Variants in ABI3BP observed in about 807,000 individuals in gnomAD.
The protein encoded by ABI3BP is target of Nesh-SH3.
Under a neutral mutation model 268.6 loss-of-function variants are expected in ABI3BP, and 216 were observed. The ratio of observed to expected loss-of-function variants is 0.80; its 90% CI spans 0.72 to 0.90. The LOEUF (loss-of-function observed/expected upper bound fraction) is 0.90, where lower values mean the gene tolerates loss of function less well. ABI3BP is among the 40% of genes least tolerant of loss of function. The pLI is 0.00. For missense variants in ABI3BP, 2,090 were observed against 2,182.4 expected, an observed-to-expected ratio of 0.96 and a Z score of 0.84; for synonymous variants, 730 against 730.0, an observed-to-expected ratio of 1.00 and a Z score of 0.00.
chr3:100,948,938 AAG>A (rs2073739817), intron 1 of ABI3BP, among the ~76,000 whole-genome samples: 2 of 152,196 alleles, frequency 1.3e-5, no homozygotes, highest in Non-Finnish European at 2.9e-5. Context: ...AGAGTTGGAA[AAG>A]AGAATATTTT....
chr3:100,904,256 G>T (rs530002647), intron 2 of ABI3BP, among the ~76,000 whole-genome samples: 2 of 152,272 alleles, frequency 1.3e-5, no homozygotes, highest in Non-Finnish European at 2.9e-5. Flanking sequence ...GTCACATGGG[G>T]CCCCATGCTT....
intron 63 of ABI3BP, among the ~76,000 whole-genome samples, chr3:100,760,685 G>C (rs1016011313): frequency 6.6e-6 from 1 of 152,134 alleles, no homozygotes; most frequent in Admixed American, 6.5e-5. Context: ...ATAAGCAGTG[G>C]TGTAAGACTT....
At chr3:100,960,262 A>C (rs776136047) in intron 1 of ABI3BP, among the ~76,000 whole-genome samples, 3 of 152,226 alleles carry the variant, frequency 2.0e-5, no homozygotes, top group Non-Finnish European at 4.4e-5. Flanking sequence ...GGCATTCAAG[A>C]GGGGTAGTAT....
intron 1 of ABI3BP, among the ~76,000 whole-genome samples, chr3:100,938,323 A>C (rs1243552580): frequency 2.6e-5 from 4 of 151,962 alleles, no homozygotes; most frequent in Non-Finnish European, 5.9e-5. Context: ...ACAAGCAAAC[A>C]TAGGGATTGG....
At chr3:100,922,565 C>CGATGGCGATGGTGATGGTGATGGT (rs2060604216) in intron 2 of ABI3BP, among the ~76,000 whole-genome samples, 1 of 97,626 alleles carries the variant, frequency 1.0e-5, no homozygotes, top group Non-Finnish European at 2.7e-5. Flanking sequence ...ATGGCGATGG[C>CGATGGCGATGGTGATGGTGATGGT]GATGGCGATG....
intron 4 of ABI3BP, among the ~76,000 whole-genome samples, chr3:100,894,721 C>T (rs1309548020): frequency 6.6e-5 from 10 of 151,754 alleles, no homozygotes; most frequent in East Asian, 3.9e-4. Flanking sequence ...GGGCAGATCA[C>T]GAGGTCAGGA....
chr3:100,903,471 A>G lies in ABI3BP; in HGVS notation c.260-785T>C, dbSNP rs532345131. ...ATATATTTTGGGCATATGAAATAGC[A>G]TTTTATAAGCAACTCTACTGGATTA... On this transcript the variant is annotated intron_variant, in intron 2 of 67. Transcript: ENST00000471714. Among the ~76,000 whole-genome samples, 14 of 152,346 alleles carry G rather than the reference A, an allele frequency of 9.2e-5. No individual in the cohort carries two copies. The South Asian group carries it at 1.7e-3, about 18-fold the overall frequency.
intron 2 of ABI3BP, among the ~76,000 whole-genome samples, chr3:100,922,723 T>A (rs919933394): frequency 6.6e-6 from 1 of 152,156 alleles, no homozygotes; most frequent in African/African-American, 2.4e-5. Context: ...CAGAAAGGAA[T>A]GCAGCCCTGC....
At chr3:100,978,270 GT>G (rs1462071253) in intron 1 of ABI3BP, among the ~76,000 whole-genome samples, 1 of 152,184 alleles carries the variant, frequency 6.6e-6, no homozygotes, top group African/African-American at 2.4e-5. Context: ...AGCACTCTGT[GT>G]AAGACAAAAT....
At chr3:100,785,291 T>A (rs1161029396) in intron 57 of ABI3BP, among the ~76,000 whole-genome samples, 2 of 152,020 alleles carry the variant, frequency 1.3e-5, no homozygotes, top group Non-Finnish European at 2.9e-5. Flanking sequence ...AGGCTGAAAG[T>A]GTGGATGAGA....
chr3:100,837,266 C>T, intron 26 of ABI3BP, 95 bp from the exon 27 acceptor site: 1 of 885,968 alleles, frequency 1.1e-6, no homozygotes, highest in African/African-American at 1.7e-5. Flanking sequence ...GACACAGAGT[C>T]TAGTTTATTC....
intron 2 of ABI3BP, among the ~76,000 whole-genome samples, chr3:100,906,133 T>G (rs945165638): frequency 3.3e-5 from 5 of 152,224 alleles, no homozygotes; most frequent in African/African-American, 1.2e-4. Context: ...TTTTAGATTC[T>G]TCCTTCATAT....
In ABI3BP at chr3:100,839,563, A is replaced by T; in HGVS notation, c.1945+6T>A. 1 of 1,535,840 alleles carries T rather than the reference A, an allele frequency of 6.5e-7. No homozygotes were observed. Among genetic ancestry groups the T allele is most frequent in the Non-Finnish European group, 8.7e-7 (1 of 1,146,674 alleles). The stretch of plus-strand genomic sequence containing the variant: ...AAAGCAGCCGTGGTGGAGGGAGTAG[A>T]ATTACCAGTTGTGGGCACCAAGGGC... On this transcript the variant is annotated splice_donor_region_variant and intron_variant, in intron 24 of 67. Coordinates refer to ENST00000471714, the MANE Select transcript of ABI3BP (RefSeq NM_001375547.2).
At chr3:100,988,155 C>G (rs368560078) in intron 1 of ABI3BP, among the ~76,000 whole-genome samples, 25 of 152,270 alleles carry the variant, frequency 1.6e-4, no homozygotes, top group African/African-American at 6.0e-4. Context: ...TGCAGCCTCC[C>G]ATAAGCATCA....
At chr3:100,851,234 C>T (rs376368180) in intron 15 of ABI3BP, among the ~76,000 whole-genome samples, 7 of 152,158 alleles carry the variant, frequency 4.6e-5, no homozygotes, top group Non-Finnish European at 1.0e-4. Context: ...AAGGAGCTGT[C>T]GGACTGAGGT....
intron 2 of ABI3BP, among the ~76,000 whole-genome samples, chr3:100,922,147 G>C (rs1320257746): frequency 1.3e-5 from 2 of 152,190 alleles, no homozygotes; most frequent in East Asian, 3.9e-4. Flanking sequence ...ATAGCACTTT[G>C]TACTCAAGGG....
At position 100,794,909 on chromosome 3, in the gene ABI3BP, A is replaced by G; in HGVS notation, c.3946+14T>C. ...GGCAAGCTCTCTTTGAACAAATATTAAAACGAAATTTACCCAGAGTGGTCT... is the reference window on the plus strand; with the variant it reads ...GGCAAGCTCTCTTTGAACAAATATTGAAACGAAATTTACCCAGAGTGGTCT... On this transcript the variant is annotated intron_variant, in intron 54 of 67. Coordinates refer to ENST00000471714, the MANE Select transcript of ABI3BP (RefSeq NM_001375547.2). 6.5e-7 allele frequency: 1 copy of G among 1,547,512 alleles called. No homozygotes were observed.
chr3:100,979,831 G>A (rs7651634), intron 1 of ABI3BP, among the ~76,000 whole-genome samples: 24,796 of 152,204 alleles, frequency 0.16, 2,155 homozygotes, highest in Middle Eastern at 0.23. Context: ...CACATTCCTT[G>A]TAAACATCTG....
chr3:100,985,918 A>G (rs1300910772), intron 1 of ABI3BP, among the ~76,000 whole-genome samples: 1 of 152,234 alleles, frequency 6.6e-6, no homozygotes, highest in Non-Finnish European at 1.5e-5. Context: ...TAGTTTCACT[A>G]TATCACTTGC....
Sources: gnomAD v4.1 joint callset for allele counts (sites outside exome capture counted in the v4.1 genomes callset) on GRCh38, gnomAD v4.1.1 for gene constraint, MANE v1.5 for transcripts, NCBI Gene and HGNC (gene_info 2026-07-23, HGNC 2026-07-21) for gene names.